Variants in SRGAP3 observed in about 807,000 individuals in gnomAD.
SRGAP3 encodes the protein SLIT-ROBO Rho GTPase-activating protein 3.
In SRGAP3, 39 loss-of-function variants were observed where a neutral mutation model predicts 121.1. The observed-to-expected ratio is 0.32, with a 90% CI of 0.25 to 0.42. SRGAP3 has a LOEUF of 0.42. Ranked by LOEUF, SRGAP3 falls within the 10% of genes least tolerant of loss-of-function variation. SRGAP3 has a pLI of 1.00. For synonymous variants in SRGAP3, 601 were observed against 570.0 expected (o/e 1.05, Z -0.77); for missense variants, 1,213 against 1,470.6 (o/e 0.82, Z 2.86).
At chr3:9,216,000 A>T (rs1246576654) in intron 1 of SRGAP3, among the ~76,000 whole-genome samples, 1 of 152,210 alleles carries the variant, frequency 6.6e-6, no homozygotes, top group Non-Finnish European at 1.5e-5. Context: ...AGACAGATAG[A>T]CACACAGATA....
At chr3:9,277,607 C>CAAAAAAA (rs35955575) in intron 3 of SRGAP3, among the ~76,000 whole-genome samples, 1 of 59,808 alleles carries the variant, frequency 1.7e-5, no homozygotes, top group Non-Finnish European at 3.0e-5. Flanking sequence ...GAAGCCATCT[C>CAAAAAAA]AAAAAAAAAA....
chr3:9,344,728 T>C (rs1057093693), intron 1 of SRGAP3, among the ~76,000 whole-genome samples: 3 of 152,112 alleles, frequency 2.0e-5, no homozygotes, highest in African/African-American at 7.2e-5. Flanking sequence ...ACTACCTTTC[T>C]ATATTTCCTA....
intron 1 of SRGAP3, among the ~76,000 whole-genome samples, chr3:9,351,415 G>T (rs534675086): frequency 6.6e-6 from 1 of 152,240 alleles, no homozygotes; most frequent in African/African-American, 2.4e-5. Context: ...TTGCAAGTTG[G>T]TGGAAGATCT....
At chr3:9,081,189 T>C (rs1474867860) in intron 3 of SRGAP3, 4 of 455,520 alleles carry the variant, frequency 8.8e-6, no homozygotes, top group African/African-American at 8.0e-5. Context: ...CTAACCTTAG[T>C]TTGACTCCAA....
intron 12 of SRGAP3, among the ~76,000 whole-genome samples, chr3:9,029,760 T>C (rs1352903675): frequency 1.3e-5 from 2 of 152,226 alleles, no homozygotes; most frequent in Non-Finnish European, 2.9e-5. Context: ...CTGTAAAACA[T>C]TGACCACTTA....
rs151288926 is a variant in SRGAP3, at chr3:9,021,239, T to A, written c.1678+4022A>T. Among the ~76,000 whole-genome samples the A allele has an allele frequency of 1.2e-3, 181 of 152,322 alleles. 1 individual carries two copies. Among genetic ancestry groups the A allele is most frequent in the African/African-American group, 4.2e-3 (173 of 41,582 alleles). ...CCCACATCCAAACCCTGCGTAGATATGCACAGCGGGAGAGAGCCATTGCCT... is the reference window on the plus strand; with the variant it reads ...CCCACATCCAAACCCTGCGTAGATAAGCACAGCGGGAGAGAGCCATTGCCT... On this transcript the variant is annotated intron_variant, in intron 14 of 21. Coordinates refer to ENST00000383836, the MANE Select transcript of SRGAP3 (RefSeq NM_014850.4).
chr3:9,046,545 T>C (rs1187809016), intron 10 of SRGAP3, among the ~76,000 whole-genome samples: 1 of 152,232 alleles, frequency 6.6e-6, no homozygotes, highest in East Asian at 1.9e-4. Context: ...TGGGATTTTA[T>C]TCCAACTGCC....
chr3:9,328,050 C>T (rs969069693), intron 2 of SRGAP3, among the ~76,000 whole-genome samples: 5 of 152,118 alleles, frequency 3.3e-5, no homozygotes, highest in African/African-American at 1.2e-4. Flanking sequence ...CAGTTTATGA[C>T]CTTAAAGCAT....
chr3:9,027,275 C>T lies in SRGAP3; in HGVS notation c.1540-280G>A, dbSNP rs568491530. ...GGGCTCAGGAGGCCTGGCAGGCCCA[C>T]TTGGGCAGTGGAGAGGGAACCACCT... On this transcript the variant is annotated intron_variant, in intron 12 of 21. Transcript: ENST00000383836. Among the ~76,000 whole-genome samples the T allele has an allele frequency of 1.3e-3, 195 of 152,366 alleles. 1 individual carries two copies. Among genetic ancestry groups the T allele is most frequent in the African/African-American group, 4.3e-3 (180 of 41,588 alleles).
chr3:9,065,815 T>G (rs1946404159), intron 4 of SRGAP3, among the ~76,000 whole-genome samples: 1 of 152,264 alleles, frequency 6.6e-6, no homozygotes, highest in Non-Finnish European at 1.5e-5. Flanking sequence ...TACATTTCTT[T>G]GTGTGGACAT....
At chr3:9,020,001 A>C (rs1242828593) in intron 14 of SRGAP3, among the ~76,000 whole-genome samples, 1 of 152,222 alleles carries the variant, frequency 6.6e-6, no homozygotes, top group East Asian at 1.9e-4. Context: ...AGTGAGAAGC[A>C]CATTTGTACA....
At chr3:9,116,918 C>T (rs1948825772) in intron 2 of SRGAP3, among the ~76,000 whole-genome samples, 1 of 152,208 alleles carries the variant, frequency 6.6e-6, no homozygotes, top group Admixed American at 6.5e-5. Flanking sequence ...CATGAAGGTG[C>T]AATGAGATGA....
chr3:9,050,393 A>G (rs2125152709), intron 9 of SRGAP3, among the ~76,000 whole-genome samples: 1 of 152,348 alleles, frequency 6.6e-6, no homozygotes, highest in East Asian at 1.9e-4. Flanking sequence ...TCCACTGGTT[A>G]GCGCAAATTA....
chr3:9,041,633 A>G (rs1375237910), intron 10 of SRGAP3, among the ~76,000 whole-genome samples: 1 of 152,196 alleles, frequency 6.6e-6, no homozygotes, highest in African/African-American at 2.4e-5. Flanking sequence ...TGACATCCCT[A>G]GATCTCACTC....
At chr3:9,243,845 T>G (rs984165695) in intron 1 of SRGAP3, among the ~76,000 whole-genome samples, 7 of 152,222 alleles carry the variant, frequency 4.6e-5, no homozygotes, top group African/African-American at 1.4e-4. Context: ...CCGACATGTT[T>G]GTTCAGGAAG....
intron 11 of SRGAP3, chr3:9,034,435 T>C (rs1281356849): frequency 6.6e-6 from 1 of 152,238 alleles, no homozygotes; most frequent in Admixed American, 6.5e-5. Flanking sequence ...TCATGCTGCC[T>C]CTGCTGACTG....
intron 12 of SRGAP3, among the ~76,000 whole-genome samples, chr3:9,028,443 T>G (rs1944318223): frequency 6.6e-6 from 1 of 152,190 alleles, no homozygotes; most frequent in African/African-American, 2.4e-5. Flanking sequence ...CTGTGTGGAC[T>G]GGACCCATTC....
chr3:9,033,278 G>A (rs547403446), intron 11 of SRGAP3, among the ~76,000 whole-genome samples: 29 of 152,296 alleles, frequency 1.9e-4, no homozygotes, highest in African/African-American at 6.7e-4. Context: ...TGATCTAAGA[G>A]CCAGGCAATT....
chr3:9,339,218 C>T (rs1022056499), intron 1 of SRGAP3, among the ~76,000 whole-genome samples: 1 of 152,170 alleles, frequency 6.6e-6, no homozygotes, highest in South Asian at 2.1e-4. Flanking sequence ...ATAAAAAATA[C>T]CTTATTCATT....
Sources: allele counts gnomAD v4.1 joint callset (sites outside exome capture counted in the v4.1 genomes callset), GRCh38; gene constraint gnomAD v4.1.1; transcripts MANE v1.5; gene names NCBI Gene and HGNC (gene_info 2026-07-23, HGNC 2026-07-21).